DTWD1: variants seen among roughly 807,000 people sequenced by gnomAD.
DTWD1 encodes DTW motif tRNA-uridine aminocarboxypropyltransferase 1, also known as tRNA-uridine aminocarboxypropyltransferase 1.
In DTWD1, 27 loss-of-function variants were observed where a neutral mutation model predicts 30.2. That is an observed-to-expected ratio of 0.90 (90% CI 0.66 to 1.23). The LOEUF (loss-of-function observed/expected upper bound fraction) is 1.23. Among genes scored for constraint, DTWD1 ranks in the 50% most tolerant of loss-of-function variants. The pLI is 0.00. For missense variants in DTWD1, 342 were observed against 348.8 expected, an observed-to-expected ratio of 0.98 and a Z score of 0.15; for synonymous variants, 99 against 113.1, an observed-to-expected ratio of 0.88 and a Z score of 0.79.
intron 1 of DTWD1, chr15:49,623,558 T>C (rs74503517): frequency 0.06 from 9,075 of 152,194 alleles, 706 homozygotes; most frequent in African/African-American, 0.18. Flanking sequence ...CCACCATGCG[T>C]GGCCCTTCCC....
chr15:49,622,747 G>T (rs1374893690), intron 1 of DTWD1, among the ~76,000 whole-genome samples: 1 of 152,170 alleles, frequency 6.6e-6, no homozygotes, highest in Non-Finnish European at 1.5e-5. Flanking sequence ...TGATCATGTA[G>T]TTTCAGAGAC....
Position 49,637,611 on chromosome 15 carries a change from T to C in DTWD1, c.667+2817T>C, listed in dbSNP as rs719096. Among the ~76,000 whole-genome samples, 554 of 152,300 alleles carry C rather than the reference T, an allele frequency of 3.6e-3. 4 individuals are homozygous for C. Among genetic ancestry groups the C allele is most frequent in the African/African-American group, 0.013 (525 of 41,562 alleles). ...ATTTCTTTTAGAGTGAAAAACTTGG[T>C]TCCTAATAATAGTGATTTAAAACAG... On this transcript the variant is annotated intron_variant, in intron 4 of 4. Transcript: ENST00000403028.
In DTWD1 at chr15:49,649,497, G is replaced by C. The variant is rs1375154360; in HGVS notation, c.*5919G>C. ...CACGCCTCTAATCCCAGCACTTTAG[G>C]AGGCCAAGGCAGGTGGATCGCCTGA... On this transcript the variant is annotated 3_prime_UTR_variant, in exon 5 of 5. Transcript: ENST00000403028. 2.0e-5 allele frequency: 3 copies of C among 152,248 alleles called. No individual in the cohort carries two copies. The highest frequency in any genetic ancestry group is 7.2e-5 in the African/African-American group (3 of 41,458). 9.4% of individuals were successfully genotyped at this position (152,248 alleles called of 1,614,324 possible). A position where few individuals can be genotyped will look rare whatever the true frequency, so the allele number is the denominator to read the frequency against.
rs2079135462 is a variant in DTWD1, at chr15:49,648,689, T to G, written c.*5111T>G. The G allele has an allele frequency of 6.6e-6, 1 of 152,212 alleles. No individual in the cohort carries two copies. Among genetic ancestry groups the G allele is most frequent in the African/African-American group, 2.4e-5 (1 of 41,458 alleles). 9.4% of individuals were successfully genotyped at this position (152,212 alleles called of 1,614,324 possible). On this transcript the variant is annotated 3_prime_UTR_variant, in exon 5 of 5. Transcript: ENST00000403028. ...TTTATATGTTATAGTGAATCATATT[T>G]ATCTCATTATATATTACAGAATATT...
intron 2 of DTWD1, among the ~76,000 whole-genome samples, chr15:49,631,330 G>A (rs981160979): frequency 6.6e-6 from 1 of 152,136 alleles, no homozygotes; most frequent in African/African-American, 2.4e-5. Context: ...TTTAATTTGT[G>A]CTATTGAAAA....
rs2079120814 is a variant in DTWD1 at position 49,646,647 on chromosome 15, T to G, written c.*3069T>G. ...GCTGGGTAAATTGCTCTTCTTCTGA[T>G]GGACTGTATAGAGACACTGTTTTTC... is the stretch of plus-strand genomic sequence containing the variant. On this transcript the variant is annotated 3_prime_UTR_variant, in exon 5 of 5. Coordinates refer to ENST00000403028, the MANE Select transcript of DTWD1 (RefSeq NM_001144955.2). 1.3e-5 allele frequency: 2 copies of G among 152,238 alleles called. No homozygotes were observed. Among genetic ancestry groups the G allele is most frequent in the Admixed American group, 6.5e-5 (1 of 15,270 alleles). 9.4% of individuals were successfully genotyped at this position (152,238 alleles called of 1,614,324 possible).
rs757897893 is a variant in DTWD1, at chr15:49,652,235, T to C, written c.*8657T>C. The C allele has an allele frequency of 8.6e-5, 13 of 152,036 alleles. No individual in the cohort carries two copies. The highest frequency in any genetic ancestry group is 1.9e-4 in the Non-Finnish European group (13 of 68,022). 9.4% of individuals were successfully genotyped at this position (152,036 alleles called of 1,614,324 possible). A position where few individuals can be genotyped will look rare whatever the true frequency, so the allele number is the denominator to read the frequency against. ...GTTTTGCTGAGAGATATATAAAAAA[T>C]CTCACTGAAAAACATAAGCTGCAGC... On this transcript the variant is annotated 3_prime_UTR_variant, in exon 5 of 5. Transcript: ENST00000403028.
At chr15:49,632,395 A>G in intron 3 of DTWD1, 93 bp downstream of exon 3, 1 of 1,246,852 alleles carries the variant, frequency 8.0e-7, no homozygotes, top group East Asian at 2.5e-5. Context: ...ACATAATTTA[A>G]TATTTTTCTT....
At chr15:49,632,342 A>G in intron 3 of DTWD1, 40 bp downstream of exon 3, 1 of 1,552,848 alleles carries the variant, frequency 6.4e-7, no homozygotes, top group South Asian at 1.2e-5. Context: ...CATTGGATAT[A>G]AAAATGAATT....
At chr15:49,621,193 G>C (rs1333047340) in intron 1 of DTWD1, 71 bp downstream of exon 1, 1 of 152,254 alleles carries the variant, frequency 6.6e-6, no homozygotes, top group Non-Finnish European at 1.5e-5. Flanking sequence ...TGGCCCCAGA[G>C]GTGCGGCCGC....
chr15:49,639,425 G>C (rs72731124), intron 4 of DTWD1, among the ~76,000 whole-genome samples: 8,237 of 152,160 alleles, frequency 0.054, 320 homozygotes, highest in East Asian at 0.12. Flanking sequence ...AGCAAGGCGT[G>C]GTAGTGTGCA....
chr15:49,643,258 C>T (rs1337349327), intron 4 of DTWD1, 73 bp from the exon 5 acceptor site: 15 of 1,401,628 alleles, frequency 1.1e-5, no homozygotes, highest in African/African-American at 6.0e-5. Context: ...ATTATTGTAC[C>T]AAGCCTGTGG....
At chr15:49,636,971 T>C (rs1279826954) in intron 4 of DTWD1, among the ~76,000 whole-genome samples, 2 of 152,178 alleles carry the variant, frequency 1.3e-5, no homozygotes, top group Non-Finnish European at 2.9e-5. Context: ...CTGTGGACTG[T>C]TTCCCAAAAA....
chr15:49,623,683 A>G (rs1446092690), intron 1 of DTWD1: 1 of 152,200 alleles, frequency 6.6e-6, no homozygotes, highest in Admixed American at 6.5e-5. Context: ...ATGCGGTTTA[A>G]TATTTTCATG....
chr15:49,621,429 C>T (rs534574959), intron 1 of DTWD1: 6 of 152,022 alleles, frequency 3.9e-5, no homozygotes. Context: ...AGTCAGTTCC[C>T]TAGGAACCCC....
chr15:49,622,955 A>G (rs2078788020), intron 1 of DTWD1, among the ~76,000 whole-genome samples: 1 of 152,234 alleles, frequency 6.6e-6, no homozygotes, highest in South Asian at 2.1e-4. Context: ...CCATTTAGTT[A>G]TGTGGATAGC....
intron 2 of DTWD1, among the ~76,000 whole-genome samples, chr15:49,628,996 C>A (rs35112372): frequency 6.6e-6 from 1 of 152,062 alleles, no homozygotes; most frequent in South Asian, 2.1e-4. Context: ...AGCTCCCCAC[C>A]CCCAGACGGG....
intron 4 of DTWD1, among the ~76,000 whole-genome samples, chr15:49,639,533 G>T (rs1450840768): frequency 6.6e-6 from 1 of 152,134 alleles, no homozygotes; most frequent in Admixed American, 6.6e-5. Flanking sequence ...CTGAACTCCA[G>T]CCTGGACAAC....
Position 49,651,080 on chromosome 15 carries a change from A to G in DTWD1, c.*7502A>G, listed in dbSNP as rs902263285. ...CAGGTATTTGAGACTCATGAAGGAA[A>G]TAGTAAATTTAAGAATAACAGAATT... is the stretch of plus-strand genomic sequence containing the variant. On this transcript the variant is annotated 3_prime_UTR_variant, in exon 5 of 5. Coordinates refer to ENST00000403028, the MANE Select transcript of DTWD1 (RefSeq NM_001144955.2). The G allele has an allele frequency of 1.3e-5, 2 of 152,196 alleles. No individual in the cohort carries two copies. The highest frequency in any genetic ancestry group is 4.8e-5 in the African/African-American group (2 of 41,466). 9.4% of individuals were successfully genotyped at this position (152,196 alleles called of 1,614,324 possible).
Sources: gnomAD v4.1 joint callset for allele counts (sites outside exome capture counted in the v4.1 genomes callset) on GRCh38, gnomAD v4.1.1 for gene constraint, MANE v1.5 for transcripts, NCBI Gene and HGNC (gene_info 2026-07-23, HGNC 2026-07-21) for gene names.